DYNLRB1: variants seen among roughly 807,000 people sequenced by gnomAD.
DYNLRB1 encodes the protein dynein light chain roadblock-type 1, also known as ROBL/LC7-like 1.
Under a neutral mutation model 13.5 loss-of-function variants are expected in DYNLRB1, and 6 were observed. That is an observed-to-expected ratio of 0.44 (90% confidence interval 0.24 to 0.88). DYNLRB1 has a LOEUF of 0.88. Ranked by LOEUF, DYNLRB1 falls within the 40% of genes least tolerant of loss-of-function variation. The pLI is 0.21. For synonymous variants in DYNLRB1, 43 were observed against 45.0 expected, an observed-to-expected ratio of 0.96 and a Z score of 0.18; for missense variants, 93 against 127.2, an observed-to-expected ratio of 0.73 and a Z score of 1.29.
chr20:34,533,543 G>C (rs1041034882), intron 2 of DYNLRB1: 1 of 985,190 alleles, frequency 1.0e-6, no homozygotes, highest in African/African-American at 1.7e-5. Flanking sequence ...GTTTGTGGCC[G>C]GGCGCGGTGG....
At chr20:34,534,977 C>T in intron 3 of DYNLRB1, 182 bp downstream of exon 3, 3 of 1,451,108 alleles carry the variant, frequency 2.1e-6, no homozygotes, top group Non-Finnish European at 2.7e-6. Context: ...AGCAGATCCT[C>T]CCAGGGACCG....
chr20:34,529,889 C>G, intron 2 of DYNLRB1: 2 of 1,524,140 alleles, frequency 1.3e-6, no homozygotes, highest in Non-Finnish European at 8.8e-7. Flanking sequence ...GAGACAGGAG[C>G]AGGCCCCCTG....
intron 1 of DYNLRB1, chr20:34,516,881 A>T (rs1375570372): frequency 6.6e-7 from 1 of 1,508,188 alleles, no homozygotes; most frequent in East Asian, 2.5e-5. Flanking sequence ...TGTGAGGTAG[A>T]TACAATCTTT....
At chr20:34,529,745 A>AG in intron 2 of DYNLRB1, 1 of 1,068,478 alleles carries the variant, frequency 9.4e-7, no homozygotes, top group African/African-American at 1.6e-5. Flanking sequence ...AAAAAAAAAA[A>AG]TGTTGATTTC....
At chr20:34,539,971 C>T (rs368633270) in intron 3 of DYNLRB1, among the ~76,000 whole-genome samples, 3 of 151,244 alleles carry the variant, frequency 2.0e-5, no homozygotes, top group East Asian at 2.0e-4. Flanking sequence ...CTCTGTCTCG[C>T]GGAGGGGAAA....
chr20:34,534,812 C>T lies in DYNLRB1; in HGVS notation c.247+17C>T, dbSNP rs1293543364. The T allele has an allele frequency of 3.1e-6, 5 of 1,613,974 alleles. No individual in the cohort carries two copies. The highest frequency in any genetic ancestry group is 1.3e-5 in the African/African-American group (1 of 75,042). On this transcript the variant is annotated intron_variant, in intron 3 of 3. Transcript: ENST00000357156. ...TTGCACCAGGTAAGGGGTCTTCTAC[C>T]TCCCCATGTAGGAACAGACCTCATG... is the stretch of plus-strand genomic sequence containing the variant.
chr20:34,522,467 T>TAC, intron 1 of DYNLRB1, among the ~76,000 whole-genome samples: 11 of 129,072 alleles, frequency 8.5e-5, no homozygotes, highest in African/African-American at 3.3e-4. Flanking sequence ...TTTTTTCTTT[T>TAC]TCTTTTTTTT....
chr20:34,521,709 C>A (rs1408911006), intron 1 of DYNLRB1, among the ~76,000 whole-genome samples: 1 of 152,036 alleles, frequency 6.6e-6, no homozygotes, highest in Non-Finnish European at 1.5e-5. Context: ...ATCCCATTGC[C>A]CAGAGTGCAT....
chr20:34,530,476 C>G (rs1600548620), intron 2 of DYNLRB1: 1 of 175,896 alleles, frequency 5.7e-6, no homozygotes, highest in African/African-American at 2.4e-5. Context: ...ATGAATGTCT[C>G]AGTTAGTGTG....
intron 3 of DYNLRB1, among the ~76,000 whole-genome samples, chr20:34,539,631 C>T (rs1981427385): frequency 6.6e-6 from 1 of 151,998 alleles, no homozygotes; most frequent in Non-Finnish European, 1.5e-5. Flanking sequence ...CTCAGCCTCC[C>T]AAGTAGCTGG....
chr20:34,537,597 T>C (rs1355554613), intron 3 of DYNLRB1, among the ~76,000 whole-genome samples: 1 of 152,158 alleles, frequency 6.6e-6, no homozygotes. Flanking sequence ...CCCACTTTTA[T>C]GTGGCCAAGA....
intron 1 of DYNLRB1, among the ~76,000 whole-genome samples, chr20:34,519,290 G>A (rs977166854): frequency 1.3e-5 from 2 of 152,174 alleles, no homozygotes; most frequent in Admixed American, 1.3e-4. Flanking sequence ...CTACCCCGTG[G>A]CAACTTCTGT....
chr20:34,522,004 C>T (rs931187703), intron 1 of DYNLRB1, among the ~76,000 whole-genome samples: 8 of 151,696 alleles, frequency 5.3e-5, no homozygotes, highest in African/African-American at 1.2e-4. Context: ...AACCATGGCA[C>T]GCCTGGGTGA....
intron 1 of DYNLRB1, among the ~76,000 whole-genome samples, chr20:34,517,803 T>A (rs1181496292): frequency 6.6e-6 from 1 of 152,048 alleles, no homozygotes; most frequent in Non-Finnish European, 1.5e-5. Context: ...TAATTTTTTG[T>A]ATTTTTAGTA....
At chr20:34,516,822 C>G in intron 1 of DYNLRB1, 1 of 1,549,690 alleles carries the variant, frequency 6.5e-7, no homozygotes. Context: ...GTGGCAGGCT[C>G]TGCCAAGCAC....
At chr20:34,516,971 A>G (rs1189785306) in intron 1 of DYNLRB1, 1 of 1,313,968 alleles carries the variant, frequency 7.6e-7, no homozygotes, top group Non-Finnish European at 9.7e-7. Flanking sequence ...GTGGAGATGG[A>G]TTTGAACCCT....
intron 1 of DYNLRB1, among the ~76,000 whole-genome samples, chr20:34,518,906 C>G (rs73259117): frequency 0.022 from 2,954 of 135,586 alleles, 87 homozygotes; most frequent in African/African-American, 0.066. Flanking sequence ...TTTTTTTTTT[C>G]TTTTGAAACA....
chr20:34,529,951 C>A, intron 2 of DYNLRB1: 1 of 1,425,728 alleles, frequency 7.0e-7, no homozygotes. Context: ...CCTTTCCCCG[C>A]TTCAGCCCTC....
At position 34,516,742 on chromosome 20, in the gene DYNLRB1, C is replaced by A. The variant is rs1458496992; in HGVS notation, c.3+281C>A. The A allele has an allele frequency of 1.9e-6, 3 of 1,547,526 alleles. No homozygotes were observed. The East Asian group carries it at 7.4e-5, about 38-fold the overall frequency. On this transcript the variant is annotated intron_variant, in intron 1 of 3. Transcript: ENST00000357156. ...GATGGGCGAGGGGTGGGCGGCGGCC[C>A]TGCAGCCTAGAGTTTTGGGGCCTTG...
Sources: allele counts gnomAD v4.1 joint callset (sites outside exome capture counted in the v4.1 genomes callset), GRCh38; gene constraint gnomAD v4.1.1; transcripts MANE v1.5; gene names NCBI Gene and HGNC (gene_info 2026-07-23, HGNC 2026-07-21).